ARFGEF3: variants seen among roughly 807,000 people sequenced by gnomAD.
ARFGEF3 encodes ARFGEF family member 3.
In ARFGEF3, 96 loss-of-function variants were observed where a neutral mutation model predicts 221.7. The ratio of observed to expected loss-of-function variants is 0.43; its 90% CI spans 0.37 to 0.51. The LOEUF (loss-of-function observed/expected upper bound fraction) is 0.51, where lower values mean the gene tolerates loss of function less well. ARFGEF3 is among the 20% of genes least tolerant of loss of function. The probability of loss-of-function intolerance (pLI) is 0.00; values close to 1 mark genes in which losing one functional copy is unlikely to be tolerated. For synonymous variants in ARFGEF3, 1,145 were observed against 1,126.8 expected (o/e 1.02, Z -0.32); for missense variants, 2,410 against 2,789.9 (o/e 0.86, Z 3.07).
intron 22 of ARFGEF3, among the ~76,000 whole-genome samples, chr6:138,305,304 C>G (rs752653309): frequency 8.6e-5 from 13 of 151,456 alleles, no homozygotes; most frequent in Non-Finnish European, 1.9e-4. Context: ...AAAAAAAAAT[C>G]CTTTAAAAAT....
rs948970338 is a variant in ARFGEF3, at chr6:138,311,561, A to T, written c.4200+51A>T. 14 of 1,313,470 alleles carry T rather than the reference A, an allele frequency of 1.1e-5. No homozygotes were observed. The African/African-American group carries it at 1.8e-4, about 16-fold the overall frequency. The allele number at this position is 1,313,470 out of a possible 1,614,324, so 81.4% of individuals were successfully genotyped here. On this transcript the variant is annotated intron_variant, in intron 25 of 33. Coordinates refer to ENST00000251691, the MANE Select transcript of ARFGEF3 (RefSeq NM_020340.5). ...CCGGCCTGGAAACCTGCCTCGGAAC[A>T]TGCTGCCAAAACATGCGTGGGGGGT...
chr6:138,202,026 C>T (rs367872475), intron 2 of ARFGEF3, among the ~76,000 whole-genome samples: 2 of 152,166 alleles, frequency 1.3e-5, no homozygotes, highest in East Asian at 1.9e-4. Flanking sequence ...CATCACAGTG[C>T]GGATGATGCC....
chr6:138,277,489 G>A (rs1434928077), intron 12 of ARFGEF3, among the ~76,000 whole-genome samples: 1 of 152,194 alleles, frequency 6.6e-6, no homozygotes, highest in Non-Finnish European at 1.5e-5. Flanking sequence ...TATCGGAGTA[G>A]AATTGCTGGG....
chr6:138,182,168 G>T (rs1220306105), intron 2 of ARFGEF3, among the ~76,000 whole-genome samples: 1 of 152,296 alleles, frequency 6.6e-6, no homozygotes, highest in African/African-American at 2.4e-5. Flanking sequence ...CAAGCTCCTT[G>T]AGCCAGTCCA....
At chr6:138,278,075 G>A (rs1779128758) in intron 12 of ARFGEF3, among the ~76,000 whole-genome samples, 1 of 152,140 alleles carries the variant, frequency 6.6e-6, no homozygotes, top group Non-Finnish European at 1.5e-5. Flanking sequence ...GAGAGAGGAG[G>A]GTGAGGTTGG....
At chr6:138,178,210 C>G (rs1776993752) in intron 2 of ARFGEF3, among the ~76,000 whole-genome samples, 1 of 152,114 alleles carries the variant, frequency 6.6e-6, no homozygotes, top group Non-Finnish European at 1.5e-5. Flanking sequence ...TTCTTATGTC[C>G]TAGGCCATCT....
At chr6:138,183,028 G>T (rs1394480068) in intron 2 of ARFGEF3, among the ~76,000 whole-genome samples, 3 of 152,124 alleles carry the variant, frequency 2.0e-5, no homozygotes, top group Non-Finnish European at 2.9e-5. Flanking sequence ...GTATTTACCA[G>T]CTGGGAGAAA....
At chr6:138,250,666 GAGGGGTGGCTGCTTTGCCTTC>G (rs1332129595) in intron 8 of ARFGEF3, among the ~76,000 whole-genome samples, 6 of 152,374 alleles carry the variant, frequency 3.9e-5, no homozygotes, top group Middle Eastern at 3.4e-3. Context: ...GCCTTGCCAG[GAGGGGTGGCTGCTTTGCCTTC>G]ACGGCCTGCG....
chr6:138,256,074 G>A (rs9494984), intron 10 of ARFGEF3, among the ~76,000 whole-genome samples: 1,958 of 152,240 alleles, frequency 0.013, 39 homozygotes, highest in African/African-American at 0.044. Flanking sequence ...TCTACCTTAC[G>A]TGCTGTTTGT....
Position 138,298,606 on chromosome 6 carries a change from G to C in ARFGEF3, c.3649G>C (p.Ala1217Pro). Residue 1217 changes from alanine (A) to proline (P), a missense_variant and splice_region_variant, in exon 22 of 34, where the codon GCT becomes CCT. Coordinates refer to ENST00000251691, the MANE Select transcript of ARFGEF3 (RefSeq NM_020340.5). ...AGCCACTCTCTCGTGAATTTTGCAG[G>C]CTGCTTGCCATAAGGAAAGACATGT... ...WSLVAPHLVE[A>P]ACHKERHVSQ... is the part of the protein sequence containing the mutation. 6.2e-7 allele frequency: 1 copy of C among 1,610,764 alleles called. No individual in the cohort carries two copies. Among genetic ancestry groups the C allele is most frequent in the Non-Finnish European group, 8.5e-7 (1 of 1,178,406 alleles).
chr6:138,182,858 G>C (rs145995941), intron 2 of ARFGEF3, among the ~76,000 whole-genome samples: 1 of 152,246 alleles, frequency 6.6e-6, no homozygotes, highest in East Asian at 1.9e-4. Flanking sequence ...AGGCCTAAAG[G>C]AATCCTTCTA....
intron 30 of ARFGEF3, 33 bp from the exon 31 acceptor site, chr6:138,323,990 T>C: frequency 1.2e-6 from 2 of 1,606,650 alleles, no homozygotes; most frequent in Non-Finnish European, 1.7e-6. Flanking sequence ...TGAACCAGGA[T>C]GCATTCAGTG....
chr6:138,276,511 G>A (rs1267886006), intron 12 of ARFGEF3, among the ~76,000 whole-genome samples: 2 of 151,912 alleles, frequency 1.3e-5, no homozygotes, highest in East Asian at 3.9e-4. Flanking sequence ...TAAAAGAAAA[G>A]ATAGTGGGGA....
chr6:138,244,006 T>C (rs1195482190), intron 7 of ARFGEF3, among the ~76,000 whole-genome samples: 1 of 152,184 alleles, frequency 6.6e-6, no homozygotes, highest in Non-Finnish European at 1.5e-5. Flanking sequence ...TTCACTTTAA[T>C]GTAGGATGAT....
chr6:138,306,551 T>C (rs1779726244), intron 22 of ARFGEF3, among the ~76,000 whole-genome samples: 1 of 152,210 alleles, frequency 6.6e-6, no homozygotes, highest in South Asian at 2.1e-4. Flanking sequence ...CACTACCTGA[T>C]TTCAAAATTC....
intron 12 of ARFGEF3, among the ~76,000 whole-genome samples, chr6:138,271,364 G>A (rs190099532): frequency 4.5e-4 from 69 of 151,754 alleles, no homozygotes; most frequent in Non-Finnish European, 8.0e-4. Context: ...GAAATATCTT[G>A]GCATCTTTCT....
intron 4 of ARFGEF3, among the ~76,000 whole-genome samples, chr6:138,212,575 A>G (rs969573952): frequency 1.3e-5 from 2 of 152,244 alleles, no homozygotes; most frequent in Non-Finnish European, 2.9e-5. Context: ...ACACATGCAC[A>G]CATATGTTTA....
rs1033106004 is a variant in ARFGEF3 at position 138,170,595 on chromosome 6, A to C, written c.86-67A>C. ...CCTGAAAAGAGAAACTAACAGAGAA[A>C]TTCATGTACAATGTATATTCTCAGT... On this transcript the variant is annotated intron_variant, in intron 1 of 33. Coordinates refer to ENST00000251691, the MANE Select transcript of ARFGEF3 (RefSeq NM_020340.5). 1.5e-5 allele frequency: 13 copies of C among 843,560 alleles called. No homozygotes were observed. The African/African-American group carries it at 2.2e-4, about 15-fold the overall frequency. 52.3% of individuals were successfully genotyped at this position (843,560 alleles called of 1,614,324 possible). A position where few individuals can be genotyped will look rare whatever the true frequency, so the allele number is the denominator to read the frequency against.
At position 138,207,105 on chromosome 6, in the gene ARFGEF3, T is replaced by C. The variant is rs150176338; in HGVS notation, c.201T>C (p.His67=). Residue 67 remains histidine (H), a synonymous_variant, in exon 3 of 34, where the codon CAT becomes CAC. Transcript: ENST00000251691. ...CCAAGAATGTGAAGCTGGCCCAACA[T>C]GCTTTGGCAGGGATGCAGGTATGGC... ...LESKNVKLAQ[H]ALAGMQKLLS... 7 of 1,611,198 alleles carry C rather than the reference T, an allele frequency of 4.3e-6. No individual in the cohort carries two copies. Among genetic ancestry groups the C allele is most frequent in the Non-Finnish European group, 5.9e-6 (7 of 1,178,892 alleles).
Sources: allele counts gnomAD v4.1 joint callset (sites outside exome capture counted in the v4.1 genomes callset), GRCh38; gene constraint gnomAD v4.1.1; transcripts MANE v1.5; gene names NCBI Gene and HGNC (gene_info 2026-07-23, HGNC 2026-07-21).